The following PTPN3 variants were observed in gnomAD, a reference collection of about 807,000 sequenced individuals.
PTPN3 encodes the protein tyrosine-protein phosphatase non-receptor type 3.
A neutral mutation model predicts 132.7 loss-of-function variants in PTPN3; 96 were observed. That is an observed-to-expected ratio of 0.72 (90% confidence interval 0.61 to 0.86). The LOEUF (loss-of-function observed/expected upper bound fraction) is 0.86, where lower values mean the gene tolerates loss of function less well. Ranked by LOEUF, PTPN3 falls within the 40% of genes least tolerant of loss-of-function variation. The pLI, the probability that PTPN3 is intolerant of heterozygous loss-of-function variation, is 0.00. For synonymous variants in PTPN3, 398 were observed against 429.0 expected (o/e 0.93, Z 0.89); for missense variants, 1,125 against 1,159.6 (o/e 0.97, Z 0.43).
chr9:109,488,494 C>G (rs896536325), intron 1 of PTPN3, among the ~76,000 whole-genome samples: 1 of 152,138 alleles, frequency 6.6e-6, no homozygotes, highest in African/African-American at 2.4e-5. Flanking sequence ...TTCTAGGAAC[C>G]GGAACATTCC....
chr9:109,478,281 GA>G (rs1384225796), intron 1 of PTPN3, among the ~76,000 whole-genome samples: 6 of 152,242 alleles, frequency 3.9e-5, no homozygotes, highest in African/African-American at 1.4e-4. Context: ...TTAAAAAGTT[GA>G]ACTTGTAATG....
Position 109,391,513 on chromosome 9 carries a change from G to T in PTPN3, c.2002C>A (p.Pro668Thr). ...TATCGGTTTTTGTCCAAATTTTGAGGCAGCTTTGCAAACGTGATGGCCAAA... is the reference window on the plus strand; with the variant it reads ...TATCGGTTTTTGTCCAAATTTTGAGTCAGCTTTGCAAACGTGATGGCCAAA... ...PGLAITFAKL[P>T]QNLDKNRYKD... is the part of the protein sequence containing the mutation. Residue 668 changes from proline to threonine, a missense_variant, in exon 20 of 26, where the codon CCT becomes ACT. Transcript: ENST00000374541. 2 of 1,613,964 alleles carry T rather than the reference G, an allele frequency of 1.2e-6. No homozygotes were observed. Among genetic ancestry groups the T allele is most frequent in the Non-Finnish European group, 1.7e-6 (2 of 1,179,978 alleles).
At chr9:109,408,887 T>A (rs556205182) in intron 16 of PTPN3, among the ~76,000 whole-genome samples, 2 of 131,132 alleles carry the variant, frequency 1.5e-5, no homozygotes, top group South Asian at 5.4e-4. Context: ...ATATAGGGGC[T>A]TTCAGCAGAG....
At chr9:109,516,431 G>T in the PTPN3 span, among the ~76,000 whole-genome samples, 3 of 152,210 alleles carry the variant, frequency 2.0e-5, no homozygotes, top group Non-Finnish European at 2.9e-5. Context: ...GGTTTGACAG[G>T]CAGGGAGGAG....
chr9:109,379,956 G>C (rs1406883606), intron 25 of PTPN3, among the ~76,000 whole-genome samples: 1 of 152,176 alleles, frequency 6.6e-6, no homozygotes, highest in African/African-American at 2.4e-5. Context: ...CCCATTTTGA[G>C]AAACGGGGTC....
chr9:109,499,505 C>T (rs1815370309), upstream of PTPN3, among the ~76,000 whole-genome samples: 1 of 152,170 alleles, frequency 6.6e-6, no homozygotes, highest in African/African-American at 2.4e-5. Flanking sequence ...GTTGTATTTC[C>T]CTCCTAAATG....
intron 5 of PTPN3, 110 bp from the exon 6 acceptor site, chr9:109,448,965 A>C: frequency 6.6e-7 from 1 of 1,503,898 alleles, no homozygotes; most frequent in South Asian, 1.4e-5. Context: ...TGAAAGATAC[A>C]TAAAAATACG....
the PTPN3 span, among the ~76,000 whole-genome samples, chr9:109,528,213 T>G: frequency 1.3e-5 from 2 of 152,210 alleles, no homozygotes; most frequent in Non-Finnish European, 2.9e-5. Context: ...AAATCTTATG[T>G]CCAAACAATG....
At chr9:109,445,334 C>T (rs1194771544) in intron 6 of PTPN3, 42 bp from the exon 7 acceptor site, 2 of 1,540,740 alleles carry the variant, frequency 1.3e-6, no homozygotes, top group African/African-American at 1.4e-5. Context: ...CAAGAACCAA[C>T]AACAGCCTTA....
intron 16 of PTPN3, among the ~76,000 whole-genome samples, chr9:109,409,791 C>G (rs563120123): frequency 6.6e-6 from 1 of 151,464 alleles, no homozygotes; most frequent in Non-Finnish European, 1.5e-5. Flanking sequence ...TAGGTTTGGG[C>G]GATAAAGTGA....
At chr9:109,491,500 AAAAT>A in intron 1 of PTPN3, among the ~76,000 whole-genome samples, 1 of 152,186 alleles carries the variant, frequency 6.6e-6, no homozygotes, top group Non-Finnish European at 1.5e-5. Flanking sequence ...GAATTGTATC[AAAAT>A]AAAACATTAA....
intron 9 of PTPN3, among the ~76,000 whole-genome samples, chr9:109,435,489 G>A (rs753329940): frequency 2.0e-5 from 3 of 152,190 alleles, no homozygotes; most frequent in Non-Finnish European, 4.4e-5. Flanking sequence ...TGGATGGGGT[G>A]GAGGGCTGCC....
intron 13 of PTPN3, 96 bp downstream of exon 13, chr9:109,422,622 T>G: frequency 7.3e-7 from 1 of 1,372,780 alleles, no homozygotes. Flanking sequence ...TTGTAGGTCA[T>G]CTATCTTTAG....
chr9:109,375,830 A>G lies in PTPN3; in HGVS notation c.*3726T>C, dbSNP rs1230064853. 1 of 152,234 alleles carries G rather than the reference A, an allele frequency of 6.6e-6. No individual in the cohort carries two copies. The highest frequency in any genetic ancestry group is 1.5e-5 in the Non-Finnish European group (1 of 68,042). 9.4% of individuals were successfully genotyped at this position (152,234 alleles called of 1,614,324 possible). ...CTGCTCAGTTAAGGTCCTTTTCCAA[A>G]TAACTTCACACAAATCCTTTGGTTG... On this transcript the variant is annotated 3_prime_UTR_variant, in exon 26 of 26. Coordinates refer to ENST00000374541, the MANE Select transcript of PTPN3 (RefSeq NM_002829.4).
chr9:109,509,015 G>A, the PTPN3 span, among the ~76,000 whole-genome samples: 6 of 152,234 alleles, frequency 3.9e-5, no homozygotes, highest in African/African-American at 1.4e-4. Context: ...GTAACATAGT[G>A]AGACCCCATC....
chr9:109,410,300 G>A lies in PTPN3; in HGVS notation c.1429C>T (p.Leu477Phe), dbSNP rs775920120. Residue 477 changes from leucine (L) to phenylalanine (F), a missense_variant, in exon 15 of 26, where the codon CTC becomes TTC. Transcript: ENST00000374541. ...GTCACCCTGTGGAAGTCATCTAAGAGCTGCTGATCAACGCCGTCAGGTGAG... is the reference window on the plus strand; with the variant it reads ...GTCACCCTGTGGAAGTCATCTAAGAACTGCTGATCAACGCCGTCAGGTGAG... ...SCSPDGVDQQLLDDFHRVTKG... is the reference protein window; with the variant it reads ...SCSPDGVDQQFLDDFHRVTKG... The A allele has an allele frequency of 1.2e-5, 20 of 1,614,060 alleles. No individual in the cohort carries two copies. In the Admixed American group the frequency reaches 2.7e-4, roughly 22 times the overall value.
intron 22 of PTPN3, among the ~76,000 whole-genome samples, chr9:109,385,743 G>A (rs182055113): frequency 1.3e-5 from 2 of 152,328 alleles, no homozygotes; most frequent in East Asian, 1.9e-4. Flanking sequence ...AATGGACAAC[G>A]AAGATCACTG....
At chr9:109,429,954 C>G (rs1212525527) in intron 10 of PTPN3, among the ~76,000 whole-genome samples, 16 of 152,176 alleles carry the variant, frequency 1.1e-4, no homozygotes, top group Admixed American at 1.0e-3. Context: ...TTGAACTATT[C>G]ATGGGACATC....
chr9:109,432,742 G>T (rs1243239981), intron 10 of PTPN3, among the ~76,000 whole-genome samples: 1 of 152,162 alleles, frequency 6.6e-6, no homozygotes, highest in African/African-American at 2.4e-5. Context: ...GATGGTTCCT[G>T]CCCAGAGAAA....
Sources: gnomAD v4.1 joint callset for allele counts (sites outside exome capture counted in the v4.1 genomes callset) on GRCh38, gnomAD v4.1.1 for gene constraint, MANE v1.5 for transcripts, NCBI Gene and HGNC (gene_info 2026-07-23, HGNC 2026-07-21) for gene names.